XKR9: variants seen among roughly 807,000 people sequenced by gnomAD.
The protein encoded by XKR9 is XK-related protein 9.
A neutral mutation model predicts 32.0 loss-of-function variants in XKR9; 32 were observed. The ratio of observed to expected loss-of-function variants is 1.00; its 90% CI spans 0.76 to 1.34. The LOEUF is 1.34. XKR9 is among the 40% of genes most tolerant of loss of function. The pLI, the probability that XKR9 is intolerant of heterozygous loss-of-function variation, is 0.00. For missense variants in XKR9, 546 were observed against 429.7 expected (o/e 1.27, Z -2.39); for synonymous variants, 168 against 143.4 (o/e 1.17, Z -1.22).
chr8:71,014,312 T>G, the XKR9 span, among the ~76,000 whole-genome samples: 1 of 152,160 alleles, frequency 6.6e-6, no homozygotes, highest in Non-Finnish European at 1.5e-5. Context: ...TATCACAAAC[T>G]GGGTGGCTTA....
At chr8:70,795,047 G>A (rs1807811122), downstream of XKR9, among the ~76,000 whole-genome samples, 1 of 151,818 alleles carries the variant, frequency 6.6e-6, no homozygotes, top group South Asian at 2.1e-4. Context: ...TGTGTCATGG[G>A]GGTTTATTGT....
the XKR9 span, among the ~76,000 whole-genome samples, chr8:71,027,551 G>A: frequency 6.6e-6 from 1 of 151,262 alleles, no homozygotes; most frequent in Non-Finnish European, 1.5e-5. Context: ...TCTTGACAAA[G>A]CTCTCACCTG....
At chr8:70,725,177 G>T (rs1217364483) in intron 4 of XKR9, among the ~76,000 whole-genome samples, 1 of 152,018 alleles carries the variant, frequency 6.6e-6, no homozygotes, top group Non-Finnish European at 1.5e-5. Context: ...CCTCCCTCCG[G>T]GTCCCTCCCA....
the XKR9 span, among the ~76,000 whole-genome samples, chr8:70,949,490 A>C: frequency 1.3e-5 from 2 of 152,042 alleles, no homozygotes; most frequent in Admixed American, 1.3e-4. Flanking sequence ...ATTAAATCTT[A>C]ATATTAAATC....
chr8:70,975,162 T>A, the XKR9 span, among the ~76,000 whole-genome samples: 1 of 152,198 alleles, frequency 6.6e-6, no homozygotes, highest in Non-Finnish European at 1.5e-5. Context: ...GATGAGTAGA[T>A]TTTAAAAATT....
At chr8:70,747,215 G>A (rs34905858) in intron 2 of XKR9, among the ~76,000 whole-genome samples, 61,294 of 152,010 alleles carry the variant, frequency 0.4, 13,897 homozygotes, top group Non-Finnish European at 0.52. Flanking sequence ...TGCTGAGATA[G>A]ACATGAGTGC....
the XKR9 span, among the ~76,000 whole-genome samples, chr8:70,921,459 A>G: frequency 6.6e-6 from 1 of 152,244 alleles, no homozygotes; most frequent in Non-Finnish European, 1.5e-5. Context: ...AAACTGTCAG[A>G]GTTGTGGGAT....
At chr8:71,022,400 T>G in the XKR9 span, among the ~76,000 whole-genome samples, 3 of 152,208 alleles carry the variant, frequency 2.0e-5, no homozygotes, top group Non-Finnish European at 2.9e-5. Context: ...CTGGGTATAG[T>G]ACTCTTGATT....
intron 3 of XKR9, among the ~76,000 whole-genome samples, chr8:70,694,987 A>T (rs946070201): frequency 6.6e-6 from 1 of 152,166 alleles, no homozygotes; most frequent in Non-Finnish European, 1.5e-5. Context: ...TGGGTTCACA[A>T]GATCTGACCT....
At chr8:70,912,969 C>G in the XKR9 span, among the ~76,000 whole-genome samples, 5 of 152,138 alleles carry the variant, frequency 3.3e-5, no homozygotes, top group Admixed American at 6.6e-5. Context: ...CACTCCACTT[C>G]CCCCAAATGA....
At chr8:70,742,590 G>T (rs1189490264) in intron 2 of XKR9, among the ~76,000 whole-genome samples, 2 of 152,018 alleles carry the variant, frequency 1.3e-5, no homozygotes, top group African/African-American at 4.8e-5. Flanking sequence ...TGTTAGTGAT[G>T]ATTTCTTTTT....
chr8:70,730,224 A>G (rs1335007055), intron 4 of XKR9, among the ~76,000 whole-genome samples: 1 of 152,176 alleles, frequency 6.6e-6, no homozygotes, highest in Non-Finnish European at 1.5e-5. Flanking sequence ...AATATTACAT[A>G]AAAATCTTTT....
intron 2 of XKR9, among the ~76,000 whole-genome samples, chr8:70,760,402 C>CA (rs1337944870): frequency 1.3e-5 from 2 of 152,186 alleles, no homozygotes; most frequent in Non-Finnish European, 2.9e-5. Flanking sequence ...TTAGAGTCGT[C>CA]ACACTGGTAG....
intron 2 of XKR9, among the ~76,000 whole-genome samples, chr8:70,744,681 C>T (rs912581792): frequency 6.6e-6 from 1 of 152,218 alleles, no homozygotes; most frequent in Admixed American, 6.5e-5. Context: ...TCGTGGCTCA[C>T]CACAACCTCC....
At chr8:70,817,016 G>A in the XKR9 span, among the ~76,000 whole-genome samples, 1 of 151,958 alleles carries the variant, frequency 6.6e-6, no homozygotes, top group Non-Finnish European at 1.5e-5. Context: ...CCAACATCAA[G>A]AGAAAGAGAA....
At chr8:70,788,611 T>G (rs1807722959) in intron 2 of XKR9, among the ~76,000 whole-genome samples, 1 of 152,122 alleles carries the variant, frequency 6.6e-6, no homozygotes, top group Non-Finnish European at 1.5e-5. Flanking sequence ...ATAGCATATA[T>G]AGTTTCAAAC....
At chr8:70,760,909 T>A (rs919852632) in intron 2 of XKR9, among the ~76,000 whole-genome samples, 2 of 152,170 alleles carry the variant, frequency 1.3e-5, no homozygotes, top group Non-Finnish European at 2.9e-5. Flanking sequence ...GTTCCCCCTA[T>A]GTGTCCATGT....
chr8:70,689,031 CAA>C (rs1252054839), intron 3 of XKR9, among the ~76,000 whole-genome samples: 4 of 151,918 alleles, frequency 2.6e-5, no homozygotes, highest in Non-Finnish European at 5.9e-5. Context: ...TAAACAAAAG[CAA>C]AAATCCCAAC....
At chr8:70,675,571 T>G (rs1201760777) in intron 2 of XKR9, among the ~76,000 whole-genome samples, 3 of 152,202 alleles carry the variant, frequency 2.0e-5, no homozygotes, top group Non-Finnish European at 4.4e-5. Context: ...GGGCATAGGT[T>G]GTTAGAAGCA....
Sources: gnomAD v4.1 joint callset for allele counts (sites outside exome capture counted in the v4.1 genomes callset) on GRCh38, gnomAD v4.1.1 for gene constraint, MANE v1.5 for transcripts, NCBI Gene and HGNC (gene_info 2026-07-23, HGNC 2026-07-21) for gene names.